Variants in PCLO observed in about 807,000 individuals in gnomAD.
PCLO encodes the protein piccolo presynaptic cytomatrix protein, also known as protein piccolo.
In PCLO, 82 loss-of-function variants were observed where a neutral mutation model predicts 427.5. The observed-to-expected ratio is 0.19, with a 90% confidence interval of 0.16 to 0.23. PCLO has a LOEUF of 0.23. Ranked by LOEUF, PCLO falls within the 10% of genes least tolerant of loss-of-function variation. The probability of loss-of-function intolerance (pLI) is 1.00; values close to 1 mark genes in which losing one functional copy is unlikely to be tolerated. For synonymous variants in PCLO, 2,357 were observed against 2,155.4 expected (o/e 1.09, Z -2.59); for missense variants, 6,239 against 6,115.9 (o/e 1.02, Z -0.67).
At chr7:82,958,499 T>C (rs1451251797) in intron 4 of PCLO, among the ~76,000 whole-genome samples, 1 of 152,152 alleles carries the variant, frequency 6.6e-6, no homozygotes, top group Non-Finnish European at 1.5e-5. Context: ...ACCTTTATTA[T>C]GCATGGTCAA....
chr7:83,155,053 G>C lies in PCLO; in HGVS notation c.1588C>G (p.Pro530Ala), dbSNP rs1177277567. Residue 530 changes from proline (P) to alanine (A), a missense_variant, in exon 2 of 25, where the codon CCA becomes GCA. Around this residue, in one of 5 missense-constraint regions of PCLO, gnomAD observed 4,677 missense variants for 4,468.4 expected, o/e 1.05. Transcript: ENST00000333891. Reference protein sequence around the residue: ...SPQQPGSTKPPSQQPGSAKPS... With the variant: ...SPQQPGSTKPASQQPGSAKPS... ...TTTGCTGAGCCAGGCTGTTGAGATGGGGGTTTTGTTGAGCCAGGCTGTTGA... is the reference window on the plus strand; with the variant it reads ...TTTGCTGAGCCAGGCTGTTGAGATGCGGGTTTTGTTGAGCCAGGCTGTTGA... The C allele has an allele frequency of 3.1e-6, 5 of 1,613,134 alleles. No homozygotes were observed. Among genetic ancestry groups the C allele is most frequent in the Non-Finnish European group, 3.4e-6 (4 of 1,179,662 alleles).
intron 3 of PCLO, among the ~76,000 whole-genome samples, chr7:83,105,790 T>C (rs556290224): frequency 7.9e-5 from 12 of 152,278 alleles, no homozygotes; most frequent in South Asian, 4.1e-4. Flanking sequence ...CCAAGAAAGA[T>C]TGTAAATCTC....
At chr7:82,920,598 C>A (rs972903016) in intron 6 of PCLO, among the ~76,000 whole-genome samples, 3 of 151,670 alleles carry the variant, frequency 2.0e-5, no homozygotes, top group East Asian at 3.9e-4. Context: ...AAACAAATAA[C>A]CTTCAGGATA....
intron 3 of PCLO, among the ~76,000 whole-genome samples, chr7:82,993,848 T>C (rs1796434865): frequency 6.6e-6 from 1 of 152,076 alleles, no homozygotes; most frequent in Admixed American, 6.6e-5. Flanking sequence ...TCACTCATCT[T>C]TTCACTCATT....
chr7:83,077,672 T>C (rs1789990795), intron 3 of PCLO, among the ~76,000 whole-genome samples: 3 of 152,260 alleles, frequency 2.0e-5, no homozygotes, highest in South Asian at 4.1e-4. Flanking sequence ...AGATATTTGT[T>C]AGTGCCAGGA....
intron 6 of PCLO, among the ~76,000 whole-genome samples, chr7:82,944,951 T>G (rs1795167334): frequency 6.6e-6 from 1 of 152,226 alleles, no homozygotes. Flanking sequence ...AGAGTTCTAC[T>G]GATAAATTAA....
intron 3 of PCLO, among the ~76,000 whole-genome samples, chr7:83,057,333 T>C (rs1260392440): frequency 2.5e-4 from 5 of 19,986 alleles, no homozygotes; most frequent in East Asian, 2.0e-3. Flanking sequence ...TATATATATA[T>C]ATATATATAT....
Position 82,950,603 on chromosome 7 carries a change from GTGGA to G in PCLO, c.9981_9984del (p.Pro3328LysfsTer63). On this transcript the variant is annotated frameshift_variant, in exon 6 of 25. Coordinates refer to ENST00000333891, the MANE Select transcript of PCLO (RefSeq NM_033026.6). LOFTEE classifies it high-confidence loss of function. ...AAAATTGCCTGCTCTGTAGTGGTTT[GTGGA>G]GAAGCAGTTCCAGAAGGGTCATAGT... The G allele has an allele frequency of 6.2e-7, 1 of 1,613,832 alleles. No individual in the cohort carries two copies. Among genetic ancestry groups the G allele is most frequent in the Non-Finnish European group, 8.5e-7 (1 of 1,179,846 alleles).
rs748654730 is a variant in PCLO, at chr7:83,135,319, T to C, written c.2231A>G (p.Gln744Arg). 6.8e-6 allele frequency: 11 copies of C among 1,613,966 alleles called. No homozygotes were observed. Among genetic ancestry groups the C allele is most frequent in the Non-Finnish European group, 9.3e-6 (11 of 1,179,884 alleles). Residue 744 changes from glutamine (Q) to arginine (R), a missense_variant, in exon 3 of 25, where the codon CAG (glutamine) becomes CGG (arginine). Physicochemically the swap from Gln to Arg is conservative, Grantham distance 43. Transcript: ENST00000333891. The stretch of plus-strand genomic sequence containing the variant: ...ATCATCAGCAACAGGGGCCTTGTCC[T>C]GCTCAGATGGGACAGAAGGTTCTTT... ...PPKEPSVPSE[Q>R]DKAPVADDKP...
At chr7:83,027,955 T>C (rs1788550283) in intron 3 of PCLO, among the ~76,000 whole-genome samples, 1 of 134,414 alleles carries the variant, frequency 7.4e-6, no homozygotes. Flanking sequence ...TGGGACATAT[T>C]TCAAAATAAT....
At chr7:83,070,388 G>GTTT (rs35523358) in intron 3 of PCLO, among the ~76,000 whole-genome samples, 4 of 138,530 alleles carry the variant, frequency 2.9e-5, no homozygotes, top group Non-Finnish European at 6.2e-5. Flanking sequence ...ACGTTTTGTG[G>GTTT]TTTTTTTTTT....
At chr7:83,058,489 C>G (rs540164335) in intron 3 of PCLO, among the ~76,000 whole-genome samples, 3 of 152,212 alleles carry the variant, frequency 2.0e-5, no homozygotes, top group East Asian at 3.9e-4. Context: ...CTATAGACAA[C>G]AGTAAAATTC....
chr7:82,760,943 C>CTTTTT lies in PCLO; in HGVS notation c.15143-164_15143-160dup, dbSNP rs767222339. Reference sequence around the variant, plus strand: ...AACATAAAATGATTAAAAGATATGTCTTTTTTTTTTTTTTTTTTTTTTTTT... The same window carrying CTTTTT: ...AACATAAAATGATTAAAAGATATGTCTTTTTTTTTTTTTTTTTTTTTTTTTTTTTT... On this transcript the variant is annotated intron_variant, in intron 23 of 24. Transcript: ENST00000333891. 2.6e-4 allele frequency among the ~76,000 whole-genome samples: 16 copies of CTTTTT among 60,396 alleles called. 4 individuals are homozygous for CTTTTT. Among genetic ancestry groups the CTTTTT allele is most frequent in the South Asian group, 1.6e-3 (2 of 1,274 alleles). The allele number at this position is 60,396 out of a possible 152,430, so 39.6% of individuals were successfully genotyped here.
At chr7:82,978,879 C>T (rs1221650898) in intron 3 of PCLO, among the ~76,000 whole-genome samples, 1 of 150,914 alleles carries the variant, frequency 6.6e-6, no homozygotes, top group Non-Finnish European at 1.5e-5. Context: ...CACACACACA[C>T]ACACACACAC....
chr7:82,988,054 C>CT lies in PCLO; in HGVS notation c.3301-21568dup, dbSNP rs540566677. On this transcript the variant is annotated intron_variant, in intron 3 of 24. Coordinates refer to ENST00000333891, the MANE Select transcript of PCLO (RefSeq NM_033026.6). ...TGAGTATGGATATACTATTTATATA[C>CT]TTTTTTTCTATACTATTAAATAGTT... 3.2e-4 allele frequency among the ~76,000 whole-genome samples: 49 copies of CT among 152,096 alleles called. 2 individuals carry two copies. The South Asian group carries it at 9.3e-3, about 29-fold the overall frequency.
intron 8 of PCLO, among the ~76,000 whole-genome samples, chr7:82,903,413 G>A (rs1036581280): frequency 1.3e-5 from 2 of 151,972 alleles, no homozygotes; most frequent in Non-Finnish European, 2.9e-5. Flanking sequence ...CCTTAGGGTA[G>A]AAGAAGTAAC....
intron 3 of PCLO, among the ~76,000 whole-genome samples, chr7:83,055,195 A>G (rs1168233931): frequency 6.6e-6 from 1 of 152,118 alleles, no homozygotes; most frequent in Non-Finnish European, 1.5e-5. Flanking sequence ...CAAACCCTAA[A>G]GGGCCACATA....
chr7:82,934,246 T>C (rs1397353866), intron 6 of PCLO, among the ~76,000 whole-genome samples: 6 of 151,824 alleles, frequency 4.0e-5, no homozygotes, highest in African/African-American at 1.4e-4. Flanking sequence ...GTTGGGGCTG[T>C]GTTTCTTGAA....
At chr7:83,058,956 T>A (rs10263538) in intron 3 of PCLO, among the ~76,000 whole-genome samples, 3,695 of 151,806 alleles carry the variant, frequency 0.024, 154 homozygotes, top group African/African-American at 0.085. Flanking sequence ...GGCAGTCCTC[T>A]CCCCCCTCCT....
Sources: allele counts gnomAD v4.1 joint callset (sites outside exome capture counted in the v4.1 genomes callset), GRCh38; gene constraint gnomAD v4.1.1; regional missense constraint gnomAD v4.1.1; transcripts MANE v1.5; gene names NCBI Gene and HGNC (gene_info 2026-07-23, HGNC 2026-07-21).